UGT2A2: variants seen among roughly 807,000 people sequenced by gnomAD.
UGT2A2 encodes the protein UDP glucuronosyltransferase family 2 member A2.
UGT2A2 carries 60 observed loss-of-function variants against 50.7 expected under a neutral mutation model. That is an observed-to-expected ratio of 1.18 (90% confidence interval 0.96 to 1.47). UGT2A2 has a LOEUF of 1.47. Ranked by LOEUF, UGT2A2 falls within the 40% of genes most tolerant of loss-of-function variation. The pLI, the probability that UGT2A2 is intolerant of heterozygous loss-of-function variation, is 0.00. For missense variants in UGT2A2, 762 were observed against 634.0 expected, an observed-to-expected ratio of 1.20 and a Z score of -2.17; for synonymous variants, 242 against 214.6, an observed-to-expected ratio of 1.13 and a Z score of -1.11.
In UGT2A2 at chr4:69,589,263, G is replaced by T; in HGVS notation, c.*109C>A. The T allele has an allele frequency of 7.4e-7, 1 of 1,345,898 alleles. No homozygotes were observed. Among genetic ancestry groups the T allele is most frequent in the Non-Finnish European group, 9.8e-7 (1 of 1,020,916 alleles). 83.4% of individuals were successfully genotyped at this position (1,345,898 alleles called of 1,614,324 possible). On this transcript the variant is annotated 3_prime_UTR_variant, in exon 6 of 6. Coordinates refer to ENST00000604629, the MANE Select transcript of UGT2A2 (RefSeq NM_001105677.2). ...TAGAGAAATAGAAAATTTGGAAACA[G>T]GATGGGAGACGTGTTTTTGTTAAAC...
Position 69,589,385 on chromosome 4 carries a change from T to C in UGT2A2, c.1598A>G (p.Lys533Arg). 6.2e-7 allele frequency: 1 copy of C among 1,611,358 alleles called. No homozygotes were observed. The highest frequency in any genetic ancestry group is 1.1e-5 in the South Asian group (1 of 90,772). Residue 533 changes from lysine to arginine, a missense_variant, in exon 6 of 6, where the codon AAA (lysine) becomes AGA (arginine). By Grantham distance (26) the Lys-to-Arg change is conservative. Coordinates refer to ENST00000604629, the MANE Select transcript of UGT2A2 (RefSeq NM_001105677.2). Reference protein sequence around the residue: ...CQKFGKIGKKKKRE With the variant: ...CQKFGKIGKKRKRE Reference sequence around the variant, plus strand: ...CTTTTTCTTGACCTATTCTCTTTTTTTCTTCTTTCCTATCTTACCAAATTT... The same window carrying C: ...CTTTTTCTTGACCTATTCTCTTTTTCTCTTCTTTCCTATCTTACCAAATTT...
At chr4:69,601,344 CAGAA>C (rs1719277734) in intron 1 of UGT2A2, among the ~76,000 whole-genome samples, 1 of 152,124 alleles carries the variant, frequency 6.6e-6, no homozygotes, top group African/African-American at 2.4e-5. Context: ...GGTGGCTTAA[CAGAA>C]AGGACAGAGA....
intron 1 of UGT2A2, among the ~76,000 whole-genome samples, chr4:69,615,987 C>T (rs7688383): frequency 0.35 from 53,284 of 151,782 alleles, 9,660 homozygotes; most frequent in Middle Eastern, 0.46. Context: ...TTCCCAATAG[C>T]CAAGATATGG....
At chr4:69,620,267 T>C (rs1311757487) in intron 1 of UGT2A2, among the ~76,000 whole-genome samples, 3 of 147,780 alleles carry the variant, frequency 2.0e-5, no homozygotes, top group African/African-American at 7.6e-5. Context: ...CCTGCACTAA[T>C]AAAAAACTAC....
Position 69,639,563 on chromosome 4 carries a change from A to G in UGT2A2, c.78T>C (p.Val26=). The G allele has an allele frequency of 6.2e-7, 1 of 1,612,014 alleles. No individual in the cohort carries two copies. Among genetic ancestry groups the G allele is most frequent in the Non-Finnish European group, 8.5e-7 (1 of 1,179,192 alleles). Residue 26 remains valine, a synonymous_variant, in exon 1 of 6, where the codon GTT becomes GTC. Coordinates refer to ENST00000604629, the MANE Select transcript of UGT2A2 (RefSeq NM_001105677.2). Reference sequence around the variant, plus strand: ...AAATTAACACATTCCCACTTAGAACAACTTCAGTCAGAGTCAAATTAAAAA... The same window carrying G: ...AAATTAACACATTCCCACTTAGAACGACTTCAGTCAGAGTCAAATTAAAAA... ...MLVFNLTLTE[V]VLSGNVLIWP...
intron 1 of UGT2A2, among the ~76,000 whole-genome samples, chr4:69,633,240 C>T (rs555787497): frequency 1.4e-4 from 22 of 152,154 alleles, no homozygotes; most frequent in South Asian, 8.3e-4. Context: ...CTTTTTATCA[C>T]ATAAAAATTA....
chr4:69,623,415 A>T (rs1720866921), intron 1 of UGT2A2, among the ~76,000 whole-genome samples: 1 of 151,786 alleles, frequency 6.6e-6, no homozygotes, highest in Non-Finnish European at 1.5e-5. Context: ...CAGTGGATAA[A>T]ATGGGATAGG....
At chr4:69,612,658 G>A (rs1720132855) in intron 1 of UGT2A2, among the ~76,000 whole-genome samples, 1 of 151,866 alleles carries the variant, frequency 6.6e-6, no homozygotes, top group Non-Finnish European at 1.5e-5. Flanking sequence ...AATGGTGCTG[G>A]GATAACTGGC....
intron 1 of UGT2A2, among the ~76,000 whole-genome samples, chr4:69,628,678 T>C (rs1454631373): frequency 6.7e-6 from 1 of 149,298 alleles, no homozygotes; most frequent in Non-Finnish European, 1.5e-5. Flanking sequence ...TAAGCTTAAA[T>C]GGGAGAAAAA....
chr4:69,639,499 T>A lies in UGT2A2; in HGVS notation c.142A>T (p.Ile48Phe), dbSNP rs1360108769. The A allele has an allele frequency of 6.2e-7, 1 of 1,613,252 alleles. No individual in the cohort carries two copies. Among genetic ancestry groups the A allele is most frequent in the African/African-American group, 1.3e-5 (1 of 74,894 alleles). ...DGSHWLNIKI[I>F]LEELIQRNHN... Reference sequence around the variant, plus strand: ...TTTCTTTGAATCAACTCTTCTAGAATAATCTTAATATTTAACCAATGGCTA... The same window carrying A: ...TTTCTTTGAATCAACTCTTCTAGAAAAATCTTAATATTTAACCAATGGCTA... The change falls in exon 1 of 6, where the codon ATT (isoleucine) becomes TTT (phenylalanine). Residue 48 changes from isoleucine (I) to phenylalanine (F), a missense_variant. Ile to Phe is a conservative substitution (Grantham distance 21). Coordinates refer to ENST00000604629, the MANE Select transcript of UGT2A2 (RefSeq NM_001105677.2).
rs1560463401 is a variant in UGT2A2, at chr4:69,589,494, A to G, written c.1489T>C (p.Ser497Pro). The part of the protein sequence containing the change: ...AHDLTWFQYH[S>P]LDVIGFLLVC... The stretch of plus-strand genomic sequence containing the variant: ...AGCAAGAACCCAATTACATCCAAAG[A>G]GTGGTACTGGAACCAGGTGAGGTCA... The change falls in exon 6 of 6, where the codon TCT (serine) becomes CCT (proline). Residue 497 changes from serine (S) to proline (P), a missense_variant. Coordinates refer to ENST00000604629, the MANE Select transcript of UGT2A2 (RefSeq NM_001105677.2). 2.5e-6 allele frequency: 4 copies of G among 1,614,084 alleles called. No homozygotes were observed. The highest frequency in any genetic ancestry group is 3.4e-6 in the Non-Finnish European group (4 of 1,180,004).
chr4:69,619,805 A>T (rs1348472550), intron 1 of UGT2A2, among the ~76,000 whole-genome samples: 1 of 152,078 alleles, frequency 6.6e-6, no homozygotes, highest in Non-Finnish European at 1.5e-5. Context: ...CTAATCCATG[A>T]CAATCAAATA....
At position 69,623,288 on chromosome 4, in the gene UGT2A2, C is replaced by G. The variant is rs149714561; in HGVS notation, c.742+15611G>C. ...TAATGTAGTCTCTACAGCTATCTAG[C>G]CTAGGATTACTACAATGTAACACTC... On this transcript the variant is annotated intron_variant, in intron 1 of 5. Transcript: ENST00000604629. Among the ~76,000 whole-genome samples, 1,066 of 151,776 alleles carry G rather than the reference C, an allele frequency of 7.0e-3. 4 individuals are homozygous for G. Among genetic ancestry groups the G allele is most frequent in the Middle Eastern group, 0.038 (11 of 292 alleles).
chr4:69,614,792 G>A (rs1208748740), intron 1 of UGT2A2, among the ~76,000 whole-genome samples: 1 of 152,004 alleles, frequency 6.6e-6, no homozygotes, highest in East Asian at 1.9e-4. Context: ...CCTCTGAGTA[G>A]TCTGTTCTCA....
At chr4:69,599,587 GAAAA>G in intron 1 of UGT2A2, 193 bp from the exon 2 acceptor site, 3 of 767,480 alleles carry the variant, frequency 3.9e-6, no homozygotes, top group Non-Finnish European at 5.4e-6. Context: ...GAGGAAGGAA[GAAAA>G]GAAGGAAGGA....
chr4:69,608,752 G>A (rs1444689149), intron 1 of UGT2A2, among the ~76,000 whole-genome samples: 1 of 152,074 alleles, frequency 6.6e-6, no homozygotes, highest in Admixed American at 6.6e-5. Context: ...CTGGAGTGCA[G>A]TGGCGCCATC....
intron 1 of UGT2A2, among the ~76,000 whole-genome samples, chr4:69,632,481 A>G (rs927367870): frequency 6.6e-6 from 1 of 152,218 alleles, no homozygotes; most frequent in African/African-American, 2.4e-5. Context: ...CCAAAAGAGC[A>G]TAATCTCACG....
At chr4:69,598,226 A>T (rs1289102913) in intron 2 of UGT2A2, among the ~76,000 whole-genome samples, 1 of 152,176 alleles carries the variant, frequency 6.6e-6, no homozygotes, top group Non-Finnish European at 1.5e-5. Context: ...TTTAAACTTA[A>T]ATATGTCTGT....
rs1418005929 is a variant in UGT2A2 at position 69,588,468 on chromosome 4, A to G, written c.*904T>C. 6.6e-6 allele frequency: 1 copy of G among 152,082 alleles called. No homozygotes were observed. Among genetic ancestry groups the G allele is most frequent in the African/African-American group, 2.4e-5 (1 of 41,428 alleles). The allele number at this position is 152,082 out of a possible 1,614,324, so 9.4% of individuals were successfully genotyped here. On this transcript the variant is annotated 3_prime_UTR_variant, in exon 6 of 6. Coordinates refer to ENST00000604629, the MANE Select transcript of UGT2A2 (RefSeq NM_001105677.2). The stretch of plus-strand genomic sequence containing the variant: ...TTTTTGGCATAAAATTAAACTTTTG[A>G]TTACAAATAGTGATTATATATTATG...
Sources: allele counts gnomAD v4.1 joint callset (sites outside exome capture counted in the v4.1 genomes callset), GRCh38; gene constraint gnomAD v4.1.1; transcripts MANE v1.5; gene names NCBI Gene and HGNC (gene_info 2026-07-23, HGNC 2026-07-21).